The following ZNF804B variants were observed in gnomAD, a reference collection of about 807,000 sequenced individuals.
ZNF804B encodes zinc finger 804B.
Under a neutral mutation model 101.4 loss-of-function variants are expected in ZNF804B, and 80 were observed. That is an observed-to-expected ratio of 0.79 (90% CI 0.66 to 0.95). The LOEUF (loss-of-function observed/expected upper bound fraction) is 0.95. Ranked by LOEUF, ZNF804B falls within the 40% of genes least tolerant of loss-of-function variation. ZNF804B has a pLI of 0.00. For missense variants in ZNF804B, 1,673 were observed against 1,561.9 expected, an observed-to-expected ratio of 1.07 and a Z score of -1.20; for synonymous variants, 622 against 558.8, an observed-to-expected ratio of 1.11 and a Z score of -1.59.
At position 88,841,720 on chromosome 7, in the gene ZNF804B, G is replaced by A. The variant is rs550869292; in HGVS notation, c.108+81636G>A. On this transcript the variant is annotated intron_variant, in intron 1 of 3. Transcript: ENST00000333190. ...CCTCCTGAGCTTTTGGTTGGTGTCA[G>A]AAGTAAGGACAGTTGAGGGCTGTGC... Among the ~76,000 whole-genome samples, 9 of 152,260 alleles carry A rather than the reference G, an allele frequency of 5.9e-5. No homozygotes were observed. The South Asian group carries it at 1.9e-3, about 32-fold the overall frequency.
rs796473170 is a variant in ZNF804B at position 89,220,155 on chromosome 7, A to G, written c.249+1860A>G. Reference sequence around the variant, plus strand: ...CACATATATGTGTGTATATACATATATATATACGCACATATATATGTGTGT... The same window carrying G: ...CACATATATGTGTGTATATACATATGTATATACGCACATATATATGTGTGT... On this transcript the variant is annotated intron_variant, in intron 2 of 3. Transcript: ENST00000333190. Among the ~76,000 whole-genome samples, 176 of 92,992 alleles carry G rather than the reference A, an allele frequency of 1.9e-3. 22 individuals are homozygous for G. The highest frequency in any genetic ancestry group is 7.2e-3 in the African/African-American group (152 of 21,122). The allele number at this position is 92,992 out of a possible 152,430, so 61.0% of individuals were successfully genotyped here. A position where few individuals can be genotyped will look rare whatever the true frequency, so the allele number is the denominator to read the frequency against.
intron 1 of ZNF804B, among the ~76,000 whole-genome samples, chr7:89,149,048 C>T (rs1790832249): frequency 1.3e-5 from 2 of 151,976 alleles, no homozygotes; most frequent in Admixed American, 1.3e-4. Flanking sequence ...TATCTTGTCA[C>T]TCAATAGAAG....
chr7:88,916,576 A>G (rs1792635105), intron 1 of ZNF804B, among the ~76,000 whole-genome samples: 1 of 152,174 alleles, frequency 6.6e-6, no homozygotes. Context: ...TAAGATGTAA[A>G]CATCATGGGT....
intron 2 of ZNF804B, among the ~76,000 whole-genome samples, chr7:89,323,304 A>G (rs1790848096): frequency 1.3e-5 from 2 of 152,212 alleles, no homozygotes; most frequent in Non-Finnish European, 2.9e-5. Context: ...CTAAAACCAC[A>G]CTAGAATGAC....
chr7:89,274,495 A>G (rs183703220), intron 2 of ZNF804B, among the ~76,000 whole-genome samples: 4,346 of 150,202 alleles, frequency 0.029, 283 homozygotes, highest in African/African-American at 0.1. Flanking sequence ...TGAACTCATC[A>G]TTTTTTATGG....
chr7:89,186,400 A>G (rs1437056095), intron 1 of ZNF804B, among the ~76,000 whole-genome samples: 1 of 152,146 alleles, frequency 6.6e-6, no homozygotes, highest in African/African-American at 2.4e-5. Context: ...TATTTTGTAT[A>G]GAAAAAGTCT....
At chr7:88,813,343 C>T (rs927068781) in intron 1 of ZNF804B, among the ~76,000 whole-genome samples, 2 of 149,862 alleles carry the variant, frequency 1.3e-5, no homozygotes, top group Admixed American at 6.7e-5. Flanking sequence ...AGGAGAATGG[C>T]GAACCTGGGA....
chr7:88,915,118 T>C (rs377649448), intron 1 of ZNF804B, among the ~76,000 whole-genome samples: 1 of 152,158 alleles, frequency 6.6e-6, no homozygotes, highest in Admixed American at 6.6e-5. Context: ...GAGCACCATT[T>C]TGATATCAAT....
chr7:88,868,050 T>A (rs201308246), intron 1 of ZNF804B, among the ~76,000 whole-genome samples: 14 of 38,452 alleles, frequency 3.6e-4, no homozygotes, highest in African/African-American at 1.1e-3. Flanking sequence ...TGTGTGTGAG[T>A]GTGTGTGTGT....
At chr7:88,894,289 T>C (rs1368963468) in intron 1 of ZNF804B, among the ~76,000 whole-genome samples, 3 of 151,786 alleles carry the variant, frequency 2.0e-5, no homozygotes, top group African/African-American at 7.3e-5. Context: ...TCTCAGCTTA[T>C]TGCAACCTCT....
intron 2 of ZNF804B, among the ~76,000 whole-genome samples, chr7:89,262,620 C>T (rs1256385187): frequency 1.3e-5 from 2 of 152,030 alleles, no homozygotes; most frequent in Non-Finnish European, 2.9e-5. Context: ...CTCTTTCATA[C>T]TTTCTGTCTG....
chr7:89,037,432 A>T lies in ZNF804B; in HGVS notation c.109-180723A>T, dbSNP rs376172201. 5.9e-5 allele frequency among the ~76,000 whole-genome samples: 9 copies of T among 152,128 alleles called. No homozygotes were observed. In the East Asian group the frequency reaches 1.4e-3, roughly 23 times the overall value. On this transcript the variant is annotated intron_variant, in intron 1 of 3. Coordinates refer to ENST00000333190, the MANE Select transcript of ZNF804B (RefSeq NM_181646.5). ...ACATGTACCAATTATTTAAATATAAACTTAAAATTTGAGGGTGCACATTTA... is the reference window on the plus strand; with the variant it reads ...ACATGTACCAATTATTTAAATATAATCTTAAAATTTGAGGGTGCACATTTA...
At chr7:88,970,641 C>G (rs1039807128) in intron 1 of ZNF804B, among the ~76,000 whole-genome samples, 3 of 150,816 alleles carry the variant, frequency 2.0e-5, no homozygotes, top group African/African-American at 7.3e-5. Context: ...GAAATCTTGC[C>G]CACTGCCTGT....
At chr7:89,137,512 G>T (rs2116388312) in intron 1 of ZNF804B, among the ~76,000 whole-genome samples, 1 of 152,144 alleles carries the variant, frequency 6.6e-6, no homozygotes, top group South Asian at 2.1e-4. Flanking sequence ...TTTTGTCCCT[G>T]CCCTAGAGAT....
intron 1 of ZNF804B, among the ~76,000 whole-genome samples, chr7:89,103,691 C>T (rs1359068270): frequency 1.3e-5 from 2 of 151,892 alleles, no homozygotes; most frequent in Non-Finnish European, 2.9e-5. Context: ...AGAACTTTGA[C>T]TTCCTCTTTA....
At chr7:89,185,034 G>A (rs546196681) in intron 1 of ZNF804B, among the ~76,000 whole-genome samples, 2 of 152,190 alleles carry the variant, frequency 1.3e-5, no homozygotes, top group East Asian at 3.9e-4. Context: ...ATCCATTATT[G>A]AATTATGGAC....
chr7:88,972,026 A>G (rs527920605), intron 1 of ZNF804B, among the ~76,000 whole-genome samples: 26 of 151,664 alleles, frequency 1.7e-4, no homozygotes, highest in African/African-American at 6.3e-4. Context: ...ATTGAGAAAT[A>G]AAAACAAGAT....
In ZNF804B at chr7:89,107,930, A is replaced by G. The variant is rs895708002; in HGVS notation, c.109-110225A>G. On this transcript the variant is annotated intron_variant, in intron 1 of 3. Coordinates refer to ENST00000333190, the MANE Select transcript of ZNF804B (RefSeq NM_181646.5). ...GTCCTTCCCGGAAGGTCGCCTGACTACAAAGAAGAGATGAGCATTAAAAAG... is the reference window on the plus strand; with the variant it reads ...GTCCTTCCCGGAAGGTCGCCTGACTGCAAAGAAGAGATGAGCATTAAAAAG... 1.3e-5 allele frequency among the ~76,000 whole-genome samples: 2 copies of G among 152,110 alleles called. 1 individual carries two copies. Among genetic ancestry groups the G allele is most frequent in the South Asian group, 4.1e-4 (2 of 4,832 alleles).
chr7:88,873,978 T>G (rs1471509046), intron 1 of ZNF804B, among the ~76,000 whole-genome samples: 1 of 152,206 alleles, frequency 6.6e-6, no homozygotes, highest in African/African-American at 2.4e-5. Context: ...CATATGAACT[T>G]TAAAGTAGTT....
Sources: gnomAD v4.1 joint callset for allele counts (sites outside exome capture counted in the v4.1 genomes callset) on GRCh38, gnomAD v4.1.1 for gene constraint, MANE v1.5 for transcripts, NCBI Gene and HGNC (gene_info 2026-07-23, HGNC 2026-07-21) for gene names.